Variants in ACLY observed in about 807,000 individuals in gnomAD.
The protein encoded by ACLY is ATP citrate lyase.
A neutral mutation model predicts 133.0 loss-of-function variants in ACLY; 41 were observed. That is an observed-to-expected ratio of 0.31 (90% CI 0.24 to 0.40). The LOEUF is 0.40. ACLY is among the 10% of genes least tolerant of loss of function. The pLI, the probability that ACLY is intolerant of heterozygous loss-of-function variation, is 1.00. For synonymous variants in ACLY, 495 were observed against 549.3 expected, an observed-to-expected ratio of 0.90 and a Z score of 1.38; for missense variants, 1,046 against 1,453.8, an observed-to-expected ratio of 0.72 and a Z score of 4.56.
Position 41,886,395 on chromosome 17 carries a change from C to T in ACLY, c.1876-87G>A, listed in dbSNP as rs1367666317. On this transcript the variant is annotated intron_variant, in intron 17 of 28. Transcript: ENST00000352035. The stretch of plus-strand genomic sequence containing the variant: ...ACAAAGCCCCTGCATTACTGCCCAG[C>T]CCCTTCTGGCCAGGCTGGGGAGAGA... The T allele has an allele frequency of 3.0e-6, 4 of 1,331,052 alleles. No homozygotes were observed. In the Admixed American group the frequency reaches 9.2e-5, roughly 31 times the overall value. The allele number at this position is 1,331,052 out of a possible 1,614,324, so 82.5% of individuals were successfully genotyped here.
At chr17:41,895,276 G>A (rs1234062193) in intron 14 of ACLY, among the ~76,000 whole-genome samples, 1 of 152,148 alleles carries the variant, frequency 6.6e-6, no homozygotes, top group Non-Finnish European at 1.5e-5. Context: ...TGTCACCCCC[G>A]CCAGGTGACG....
chr17:41,883,000 A>T, intron 20 of ACLY, 122 bp downstream of exon 20: 1 of 807,858 alleles, frequency 1.2e-6, no homozygotes, highest in Non-Finnish European at 1.9e-6. Context: ...GTAACCAAGC[A>T]AGTAACAAAC....
rs1555631627 is a variant in ACLY, at chr17:41,901,669, G to T, written c.1183+27C>A. Reference sequence around the variant, plus strand: ...GGAAGGCCACCCACACTCAGGGTGAGGGGGAGAGAAAAGGTCCTCATCTTA... The same window carrying T: ...GGAAGGCCACCCACACTCAGGGTGATGGGGAGAGAAAAGGTCCTCATCTTA... On this transcript the variant is annotated intron_variant, in intron 11 of 28. Coordinates refer to ENST00000352035, the MANE Select transcript of ACLY (RefSeq NM_001096.3). 7 of 1,588,098 alleles carry T rather than the reference G, an allele frequency of 4.4e-6. No individual in the cohort carries two copies. In the Admixed American group the frequency reaches 8.4e-5, roughly 19 times the overall value.
chr17:41,925,004 C>T (rs373647943), intron 1 of ACLY, among the ~76,000 whole-genome samples: 1 of 150,966 alleles, frequency 6.6e-6, no homozygotes, highest in African/African-American at 2.4e-5. Flanking sequence ...ACATATGACA[C>T]GTTTAAACTT....
At chr17:41,877,976 TA>T in intron 22 of ACLY, 126 bp downstream of exon 22, 1 of 477,278 alleles carries the variant, frequency 2.1e-6, no homozygotes, top group Non-Finnish European at 3.6e-6. Context: ...TCTGTCCCTC[TA>T]AGAGATCCCC....
intron 7 of ACLY, among the ~76,000 whole-genome samples, chr17:41,907,021 T>G (rs1293735582): frequency 6.6e-6 from 1 of 152,052 alleles, no homozygotes; most frequent in Non-Finnish European, 1.5e-5. Context: ...CGAGACCGTC[T>G]CCTAGCCCAG....
At chr17:41,872,545 G>A (rs58841133) in intron 23 of ACLY, among the ~76,000 whole-genome samples, 8 of 152,200 alleles carry the variant, frequency 5.3e-5, no homozygotes, top group African/African-American at 1.7e-4. Flanking sequence ...AGGCTATCTC[G>A]AACTCCTGGC....
chr17:41,888,331 G>A lies in ACLY; in HGVS notation c.1771-628C>T, dbSNP rs182436288. Reference sequence around the variant, plus strand: ...GCCCTGCTACAGTCATAGCAGCTACGTTCACTCTCACCCAAAAGCTCACAC... The same window carrying A: ...GCCCTGCTACAGTCATAGCAGCTACATTCACTCTCACCCAAAAGCTCACAC... On this transcript the variant is annotated intron_variant, in intron 16 of 28. Transcript: ENST00000352035. Among the ~76,000 whole-genome samples, 8 of 152,224 alleles carry A rather than the reference G, an allele frequency of 5.3e-5. No homozygotes were observed. In the East Asian group the frequency reaches 9.7e-4, roughly 18 times the overall value.
At position 41,897,736 on chromosome 17, in the gene ACLY, C is replaced by T. The variant is rs782451391; in HGVS notation, c.1429+13G>A. 6.2e-7 allele frequency: 1 copy of T among 1,612,070 alleles called. No homozygotes were observed. Among genetic ancestry groups the T allele is most frequent in the Non-Finnish European group, 8.5e-7 (1 of 1,178,988 alleles). ...CCACTCCCTGCAACATGCCTGAAGC[C>T]TCAGGGAGTTACCTTGTGGCATGGC... On this transcript the variant is annotated intron_variant, in intron 13 of 28. Transcript: ENST00000352035.
At chr17:41,892,539 GAAAAGGCATGGTCT>G (rs1285323199) in intron 15 of ACLY, 92 bp from the exon 16 acceptor site, 24 of 1,181,452 alleles carry the variant, frequency 2.0e-5, no homozygotes, top group Non-Finnish European at 2.7e-5. Flanking sequence ...CTAGAAGATA[GAAAAGGCATGGTCT>G]GTGCCCTCAA....
chr17:41,912,111 CAAA>C (rs1338754693), intron 3 of ACLY, among the ~76,000 whole-genome samples: 6 of 68,246 alleles, frequency 8.8e-5, no homozygotes, highest in Admixed American at 3.3e-4. Flanking sequence ...AAGACCCTGT[CAAA>C]AAAAAAAAAA....
chr17:41,878,965 A>G (rs975601075), intron 20 of ACLY, 41 bp from the exon 21 acceptor site: 11 of 1,612,566 alleles, frequency 6.8e-6, no homozygotes, highest in Non-Finnish European at 9.3e-6. Flanking sequence ...TAATCCCCCA[A>G]GAGTGAACAT....
intron 1 of ACLY, among the ~76,000 whole-genome samples, chr17:41,929,973 A>G (rs782052044): frequency 2.6e-5 from 4 of 152,206 alleles, no homozygotes; most frequent in Non-Finnish European, 4.4e-5. Context: ...AAGGCAGTTA[A>G]GCAAGCTACT....
chr17:41,901,058 G>A lies in ACLY; in HGVS notation c.1183+638C>T, dbSNP rs191331706. Among the ~76,000 whole-genome samples, 381 of 151,726 alleles carry A rather than the reference G, an allele frequency of 2.5e-3. 2 individuals carry two copies. Among genetic ancestry groups the A allele is most frequent in the African/African-American group, 8.8e-3 (364 of 41,392 alleles). The stretch of plus-strand genomic sequence containing the variant: ...CAGCCTCAACCTCCCAGGTTCAGGT[G>A]ATCCTCCCACCTCAGCCTCCCAAGT... On this transcript the variant is annotated intron_variant, in intron 11 of 28. Transcript: ENST00000352035.
chr17:41,891,839 A>C (rs782473125), intron 16 of ACLY, among the ~76,000 whole-genome samples: 1 of 152,094 alleles, frequency 6.6e-6, no homozygotes, highest in Non-Finnish European at 1.5e-5. Context: ...CTGGGACTAC[A>C]GGTGTGAGTC....
At chr17:41,876,328 G>A (rs1156343908) in intron 22 of ACLY, among the ~76,000 whole-genome samples, 131 of 148,590 alleles carry the variant, frequency 8.8e-4, no homozygotes, top group Admixed American at 2.8e-3. Flanking sequence ...CGCCCCGTCC[G>A]GGAGGTGAGG....
At chr17:41,870,355 C>G (rs1420670144) in intron 25 of ACLY, 1 of 152,270 alleles carries the variant, frequency 6.6e-6, no homozygotes, top group African/African-American at 2.4e-5. Flanking sequence ...AGCCACCCAC[C>G]TTCCCTGCTT....
chr17:41,873,871 T>A lies in ACLY; in HGVS notation c.2582A>T (p.Glu861Val). 6.2e-7 allele frequency: 1 copy of A among 1,608,510 alleles called. No homozygotes were observed. The highest frequency in any genetic ancestry group is 8.5e-7 in the Non-Finnish European group (1 of 1,176,178). Reference protein sequence around the residue: ...ELIYAGMPITEVFKEEMGIGG... With the variant: ...ELIYAGMPITVVFKEEMGIGG... Reference sequence around the variant, plus strand: ...AATGCCCATCTCTTCCTTGAAGACCTCAGTGATGGGCATGCCCGCGTAGAT... The same window carrying A: ...AATGCCCATCTCTTCCTTGAAGACCACAGTGATGGGCATGCCCGCGTAGAT... The change falls in exon 23 of 29, where the codon GAG becomes GTG. Residue 861 changes from glutamate (E) to valine (V), a missense_variant. Around this residue, in one of 4 missense-constraint regions of ACLY, gnomAD observed 205 missense variants for 373.3 expected, o/e 0.55. Coordinates refer to ENST00000352035, the MANE Select transcript of ACLY (RefSeq NM_001096.3).
Position 41,885,980 on chromosome 17 carries a change from T to A in ACLY, c.2072+132A>T, listed in dbSNP as rs1207024945. 2.1e-5 allele frequency: 18 copies of A among 841,568 alleles called. No individual in the cohort carries two copies. The African/African-American group carries it at 3.0e-4, about 14-fold the overall frequency. The allele number at this position is 841,568 out of a possible 1,614,324, so 52.1% of individuals were successfully genotyped here. ...CTGAGACAAGAGCAGTGATGCCCCATTGTTTAGACTTCAGCAGCATTCCTG... is the reference window on the plus strand; with the variant it reads ...CTGAGACAAGAGCAGTGATGCCCCAATGTTTAGACTTCAGCAGCATTCCTG... On this transcript the variant is annotated intron_variant, in intron 18 of 28. Coordinates refer to ENST00000352035, the MANE Select transcript of ACLY (RefSeq NM_001096.3).
Sources: allele counts gnomAD v4.1 joint callset (sites outside exome capture counted in the v4.1 genomes callset), GRCh38; gene constraint gnomAD v4.1.1; regional missense constraint gnomAD v4.1.1; transcripts MANE v1.5; gene names NCBI Gene and HGNC (gene_info 2026-07-23, HGNC 2026-07-21).